TENM3: variants seen among roughly 807,000 people sequenced by gnomAD.
The protein encoded by TENM3 is teneurin-3.
In TENM3, 63 loss-of-function variants were observed where a neutral mutation model predicts 255.1. That is an observed-to-expected ratio of 0.25 (90% confidence interval 0.20 to 0.30). TENM3 has a LOEUF of 0.30. TENM3 is among the 10% of genes least tolerant of loss of function. TENM3 has a pLI of 1.00. For synonymous variants in TENM3, 1,306 were observed against 1,322.3 expected, an observed-to-expected ratio of 0.99 and a Z score of 0.27; for missense variants, 2,929 against 3,461.1, an observed-to-expected ratio of 0.85 and a Z score of 3.86.
intron 1 of TENM3, among the ~76,000 whole-genome samples, chr4:182,289,134 G>A (rs762698013): frequency 3.3e-5 from 5 of 152,242 alleles, no homozygotes; most frequent in East Asian, 1.9e-4. Context: ...GGAGGCTGAC[G>A]TGGAAGGATC....
intron 3 of TENM3, among the ~76,000 whole-genome samples, chr4:182,447,357 C>T (rs1487667578): frequency 2.0e-5 from 3 of 151,464 alleles, no homozygotes; most frequent in South Asian, 4.2e-4. Flanking sequence ...ATGTCTTAGA[C>T]GTAATGGAAA....
chr4:182,280,826 G>A (rs1760332224), intron 1 of TENM3, among the ~76,000 whole-genome samples: 1 of 152,206 alleles, frequency 6.6e-6, no homozygotes, highest in African/African-American at 2.4e-5. Context: ...AGATAAGAGT[G>A]GAGAGGATCT....
chr4:182,740,660 C>G (rs906394373), intron 18 of TENM3, among the ~76,000 whole-genome samples: 1 of 151,988 alleles, frequency 6.6e-6, no homozygotes, highest in Non-Finnish European at 1.5e-5. Context: ...TCTGTAGCTC[C>G]GAAAAAGCCC....
At chr4:181,509,190 C>T in the TENM3 span, among the ~76,000 whole-genome samples, 19,634 of 151,950 alleles carry the variant, frequency 0.13, 1,462 homozygotes, top group South Asian at 0.28. Context: ...TATAAAAACC[C>T]TATCTGTAGG....
the TENM3 span, among the ~76,000 whole-genome samples, chr4:181,934,375 C>G: frequency 6.6e-6 from 1 of 152,120 alleles, no homozygotes; most frequent in Non-Finnish European, 1.5e-5. Context: ...GAGTGTTTAT[C>G]CTCAGCAAAT....
chr4:182,100,476 C>A, the TENM3 span, among the ~76,000 whole-genome samples: 2 of 143,598 alleles, frequency 1.4e-5, no homozygotes, highest in Non-Finnish European at 3.0e-5. Context: ...TACACACACA[C>A]ACACACATAT....
chr4:182,027,774 T>C, the TENM3 span, among the ~76,000 whole-genome samples: 1 of 151,922 alleles, frequency 6.6e-6, no homozygotes, highest in African/African-American at 2.4e-5. Context: ...CAATGATTGA[T>C]GTGCATATGC....
intron 4 of TENM3, among the ~76,000 whole-genome samples, chr4:182,624,533 T>C (rs1750640982): frequency 6.6e-6 from 1 of 152,184 alleles, no homozygotes; most frequent in Admixed American, 6.5e-5. Context: ...GGCAGGCTTC[T>C]CTCCCTGGGC....
chr4:182,426,725 T>C (rs1468969180), intron 3 of TENM3, among the ~76,000 whole-genome samples: 4 of 152,310 alleles, frequency 2.6e-5, no homozygotes, highest in Non-Finnish European at 5.9e-5. Context: ...CCTCTTATTA[T>C]TCCATTATCC....
the TENM3 span, among the ~76,000 whole-genome samples, chr4:181,624,276 C>T: frequency 1.3e-5 from 2 of 152,180 alleles, no homozygotes; most frequent in Non-Finnish European, 2.9e-5. Flanking sequence ...CCAGCATCGC[C>T]ACTCGCTGGC....
the TENM3 span, among the ~76,000 whole-genome samples, chr4:181,535,727 G>A: frequency 1.2e-3 from 178 of 152,168 alleles, no homozygotes; most frequent in African/African-American, 4.1e-3. Flanking sequence ...CTCTTGCCTC[G>A]GAGACCATGG....
At chr4:182,144,637 C>G (rs1267030096), upstream of TENM3, 1 of 147,512 alleles carries the variant, frequency 6.8e-6, no homozygotes, top group Non-Finnish European at 1.5e-5. Context: ...CTCGGCGGGG[C>G]CCCCCTCCCC....
the TENM3 span, among the ~76,000 whole-genome samples, chr4:181,480,778 T>C: frequency 2.0e-5 from 3 of 149,384 alleles, no homozygotes; most frequent in East Asian, 5.9e-4. Context: ...TATATAGATA[T>C]AGAGGTATAA....
Position 182,801,155 on chromosome 4 carries a change from G to T in TENM3, c.*804G>T, listed in dbSNP as rs1225539982. The T allele has an allele frequency of 1.3e-5, 2 of 152,524 alleles. No individual in the cohort carries two copies. Among genetic ancestry groups the T allele is most frequent in the African/African-American group, 2.4e-5 (1 of 41,418 alleles). The allele number at this position is 152,524 out of a possible 1,614,324, so 9.4% of individuals were successfully genotyped here. On this transcript the variant is annotated 3_prime_UTR_variant, in exon 28 of 28. Transcript: ENST00000511685. ...ACTGTGTGATTTTTTTAAAAGGATT[G>T]CACCTTTTGTTATCTGTTATAGCTG...
intron 18 of TENM3, among the ~76,000 whole-genome samples, chr4:182,739,118 A>T (rs1480329433): frequency 6.6e-6 from 1 of 152,060 alleles, no homozygotes; most frequent in Non-Finnish European, 1.5e-5. Flanking sequence ...ATATATTGTT[A>T]CTTGACTTGG....
the TENM3 span, among the ~76,000 whole-genome samples, chr4:182,016,341 C>T: frequency 2.0e-5 from 3 of 152,340 alleles, no homozygotes; most frequent in Non-Finnish European, 4.4e-5. Flanking sequence ...TAATTCTAAA[C>T]TCTCTCACAG....
the TENM3 span, among the ~76,000 whole-genome samples, chr4:181,531,368 C>A: frequency 6.6e-6 from 1 of 152,166 alleles, no homozygotes; most frequent in African/African-American, 2.4e-5. Context: ...CTTGGCTTAG[C>A]TTTGGTGCTA....
chr4:182,138,433 C>T, the TENM3 span, among the ~76,000 whole-genome samples: 4 of 152,186 alleles, frequency 2.6e-5, no homozygotes, highest in Non-Finnish European at 5.9e-5. Flanking sequence ...ATGGTTATCA[C>T]TTTACAAAGC....
chr4:182,169,074 T>TACACACAC (rs55885166), intron 1 of TENM3, among the ~76,000 whole-genome samples: 9,563 of 137,572 alleles, frequency 0.07, 477 homozygotes, highest in East Asian at 0.25. Context: ...AATCATGCCA[T>TACACACAC]ACACACACAC....
Sources: allele counts gnomAD v4.1 joint callset (sites outside exome capture counted in the v4.1 genomes callset), GRCh38; gene constraint gnomAD v4.1.1; transcripts MANE v1.5; gene names NCBI Gene and HGNC (gene_info 2026-07-23, HGNC 2026-07-21).